EPHA7: variants seen among roughly 807,000 people sequenced by gnomAD.
The protein encoded by EPHA7 is EPH receptor A7, also known as ephrin type-A receptor 7.
In EPHA7, 25 loss-of-function variants were observed where a neutral mutation model predicts 112.6. That is an observed-to-expected ratio of 0.22 (90% CI 0.16 to 0.31). The LOEUF is 0.31. Ranked by LOEUF, EPHA7 falls within the 10% of genes least tolerant of loss-of-function variation. EPHA7 has a pLI of 1.00. For missense variants in EPHA7, 962 were observed against 1,212.6 expected (o/e 0.79, Z 3.07); for synonymous variants, 437 against 406.5 (o/e 1.07, Z -0.90).
At chr6:93,337,702 A>G (rs1169125823) in intron 5 of EPHA7, among the ~76,000 whole-genome samples, 1 of 152,154 alleles carries the variant, frequency 6.6e-6, no homozygotes, top group Non-Finnish European at 1.5e-5. Flanking sequence ...TGTTCTCACC[A>G]CTGATCTCAA....
chr6:93,323,167 G>A (rs1201088574), intron 5 of EPHA7, among the ~76,000 whole-genome samples: 3 of 151,522 alleles, frequency 2.0e-5, no homozygotes, highest in East Asian at 3.9e-4. Context: ...CTACATATTC[G>A]TCTCTTTATG....
chr6:93,323,939 C>A (rs1005481704), intron 5 of EPHA7, among the ~76,000 whole-genome samples: 7 of 151,448 alleles, frequency 4.6e-5, no homozygotes, highest in Non-Finnish European at 1.0e-4. Context: ...CCCTCCATTA[C>A]ATATTTCACA....
At chr6:93,249,354 C>T (rs1770105046) in intron 14 of EPHA7, among the ~76,000 whole-genome samples, 2 of 151,958 alleles carry the variant, frequency 1.3e-5, no homozygotes, top group Admixed American at 6.6e-5. Context: ...TAGCACTGTA[C>T]TTGGATTCAA....
chr6:93,344,352 T>C (rs1164379785), intron 5 of EPHA7, among the ~76,000 whole-genome samples: 1 of 151,586 alleles, frequency 6.6e-6, no homozygotes, highest in Non-Finnish European at 1.5e-5. Context: ...GGGTTCTTGG[T>C]GATGTCAGGG....
chr6:93,359,860 GAGAGAGAGAGAGAGAGAT>G (rs756425220), intron 3 of EPHA7, among the ~76,000 whole-genome samples: 1,706 of 102,700 alleles, frequency 0.017, 17 homozygotes, highest in African/African-American at 0.032. Flanking sequence ...ATGATAGAGA[GAGAGAGAGAGAGAGAGAT>G]AGATAGATAG....
At chr6:93,264,938 T>C (rs914381266) in intron 7 of EPHA7, among the ~76,000 whole-genome samples, 2 of 151,688 alleles carry the variant, frequency 1.3e-5, no homozygotes, top group South Asian at 2.1e-4. Flanking sequence ...AAATGCCTTA[T>C]TGAATGATTA....
intron 3 of EPHA7, among the ~76,000 whole-genome samples, chr6:93,403,010 G>A (rs1028846326): frequency 2.0e-5 from 3 of 152,020 alleles, no homozygotes; most frequent in African/African-American, 7.2e-5. Flanking sequence ...ATAGATAACA[G>A]TTATATTATC....
At chr6:93,307,185 A>G (rs1773301571) in intron 5 of EPHA7, among the ~76,000 whole-genome samples, 1 of 151,978 alleles carries the variant, frequency 6.6e-6, no homozygotes, top group Non-Finnish European at 1.5e-5. Context: ...CAAATGTTAG[A>G]TATTCTGTAT....
intron 14 of EPHA7, among the ~76,000 whole-genome samples, chr6:93,251,412 AC>A (rs1483242276): frequency 1.4e-4 from 21 of 151,732 alleles, no homozygotes; most frequent in Admixed American, 1.2e-3. Context: ...CCTAATATCT[AC>A]CTACTAGGAA....
rs921063042 is a variant in EPHA7 at position 93,293,961 on chromosome 6, A to G, written c.1325-21539T>C. On this transcript the variant is annotated intron_variant, in intron 5 of 16. Coordinates refer to ENST00000369303, the MANE Select transcript of EPHA7 (RefSeq NM_004440.4). ...AAGGCAACAAGACATCATTTTTCCC[A>G]GGTGGGCTACTCATTTACTTTCTGT... 2.0e-4 allele frequency among the ~76,000 whole-genome samples: 31 copies of G among 152,310 alleles called. No homozygotes were observed. In the South Asian group the frequency reaches 2.3e-3, roughly 11 times the overall value.
intron 3 of EPHA7, among the ~76,000 whole-genome samples, chr6:93,374,933 G>C (rs761419868): frequency 9.2e-5 from 14 of 152,086 alleles, no homozygotes; most frequent in Non-Finnish European, 2.1e-4. Flanking sequence ...TTTCAAAAAA[G>C]ATAATATTGC....
chr6:93,347,530 T>A (rs1182006683), intron 5 of EPHA7, among the ~76,000 whole-genome samples: 1 of 151,894 alleles, frequency 6.6e-6, no homozygotes, highest in Non-Finnish European at 1.5e-5. Context: ...CTCATGCATA[T>A]GGAAAATAAA....
In EPHA7 at chr6:93,288,884, G is replaced by A. The variant is rs557709563; in HGVS notation, c.1325-16462C>T. ...ACTTTACAGCTGAAAATTGGCATGC[G>A]TTTGTATGATCATTTGATGACTATT... On this transcript the variant is annotated intron_variant, in intron 5 of 16. Transcript: ENST00000369303. Among the ~76,000 whole-genome samples the A allele has an allele frequency of 8.5e-5, 13 of 152,248 alleles. No homozygotes were observed. The South Asian group carries it at 1.2e-3, about 15-fold the overall frequency.
intron 5 of EPHA7, among the ~76,000 whole-genome samples, chr6:93,342,513 A>G (rs571185358): frequency 6.6e-6 from 1 of 151,884 alleles, no homozygotes; most frequent in African/African-American, 2.4e-5. Flanking sequence ...CTAGGGTGCA[A>G]TTCTTACAGA....
chr6:93,300,420 A>G (rs772205731), intron 5 of EPHA7, among the ~76,000 whole-genome samples: 1 of 152,204 alleles, frequency 6.6e-6, no homozygotes, highest in Non-Finnish European at 1.5e-5. Flanking sequence ...AGCCATACAG[A>G]ACACACCTGG....
At chr6:93,380,851 T>C (rs1397243496) in intron 3 of EPHA7, among the ~76,000 whole-genome samples, 1 of 152,160 alleles carries the variant, frequency 6.6e-6, no homozygotes, top group Non-Finnish European at 1.5e-5. Context: ...TGTGTTACTA[T>C]TAAAAACCCT....
At chr6:93,354,338 G>T (rs1483735470) in intron 5 of EPHA7, among the ~76,000 whole-genome samples, 2 of 151,952 alleles carry the variant, frequency 1.3e-5, no homozygotes, top group Non-Finnish European at 2.9e-5. Flanking sequence ...AAAGTTAACT[G>T]TAAATTCATG....
intron 3 of EPHA7, among the ~76,000 whole-genome samples, chr6:93,397,722 T>C (rs1778250444): frequency 6.6e-6 from 1 of 151,910 alleles, no homozygotes; most frequent in Non-Finnish European, 1.5e-5. Context: ...GCCCTTTAGG[T>C]TTATATGAAT....
At chr6:93,252,986 A>T (rs2631561) in intron 14 of EPHA7, among the ~76,000 whole-genome samples, 98,218 of 151,816 alleles carry the variant, frequency 0.65, 32,833 homozygotes, top group South Asian at 0.83. Flanking sequence ...AAATTGGAGA[A>T]ATTAATTTTT....
Sources: gnomAD v4.1 joint callset for allele counts (sites outside exome capture counted in the v4.1 genomes callset) on GRCh38, gnomAD v4.1.1 for gene constraint, MANE v1.5 for transcripts, NCBI Gene and HGNC (gene_info 2026-07-23, HGNC 2026-07-21) for gene names.